The following SIRT3 variants were observed in gnomAD, a reference collection of about 807,000 sequenced individuals.
The protein encoded by SIRT3 is NAD-dependent protein deacetylase sirtuin-3, mitochondrial.
SIRT3 carries 26 observed loss-of-function variants against 33.5 expected under a neutral mutation model. That is an observed-to-expected ratio of 0.78 (90% CI 0.57 to 1.08). SIRT3 has a LOEUF of 1.08. Among genes scored for constraint, SIRT3 ranks in the 50% least tolerant of loss-of-function variants. SIRT3 has a pLI of 0.00. For synonymous variants in SIRT3, 237 were observed against 222.1 expected (o/e 1.07, Z -0.60); for missense variants, 585 against 530.1 (o/e 1.10, Z -1.02).
At position 225,097 on chromosome 11, in the gene SIRT3, C is replaced by CAAAA. The variant is rs11385996; in HGVS notation, c.808-862_808-859dup. 8.8e-5 allele frequency among the ~76,000 whole-genome samples: 13 copies of CAAAA among 147,666 alleles called. No homozygotes were observed. The East Asian group carries it at 2.2e-3, about 25-fold the overall frequency. On this transcript the variant is annotated intron_variant, in intron 4 of 6. Coordinates refer to ENST00000382743, the MANE Select transcript of SIRT3 (RefSeq NM_012239.6). The stretch of plus-strand genomic sequence containing the variant: ...ATAGCAAAAAAAAAAATTAAGGAAG[C>CAAAA]AAAAAAAAAAGATGAACTTGAAATA...
chr11:230,190 C>T (rs559635681), intron 4 of SIRT3, among the ~76,000 whole-genome samples: 2 of 132,540 alleles, frequency 1.5e-5, no homozygotes, highest in South Asian at 2.5e-4. Context: ...CCAGCCTGGG[C>T]GACAGAGTGA....
At chr11:232,914 C>A in intron 3 of SIRT3, 69 bp downstream of exon 3, 1 of 1,488,086 alleles carries the variant, frequency 6.7e-7, no homozygotes, top group Non-Finnish European at 9.3e-7. Context: ...ACCCGAGCCT[C>A]CCTGGGAGAA....
At chr11:233,237 T>TC (rs1280972696) in intron 2 of SIRT3, 22 bp from the exon 3 acceptor site, 1 of 1,608,972 alleles carries the variant, frequency 6.2e-7, no homozygotes, top group South Asian at 1.1e-5. Context: ...GAAGAAAGGC[T>TC]CTGAGGCCTT....
At chr11:226,959 G>A (rs1564810163) in intron 4 of SIRT3, among the ~76,000 whole-genome samples, 2 of 151,094 alleles carry the variant, frequency 1.3e-5, no homozygotes, top group East Asian at 2.0e-4. Flanking sequence ...CTCCATGTTG[G>A]TCAGGCTGGT....
chr11:219,445 G>A (rs1434726570), intron 5 of SIRT3, among the ~76,000 whole-genome samples: 1 of 152,150 alleles, frequency 6.6e-6, no homozygotes, highest in Non-Finnish European at 1.5e-5. Context: ...GGCTAGCCCT[G>A]CTTGCTCTGA....
rs780840198 is a variant in SIRT3 at position 224,178 on chromosome 11, T to TCGGGCTTCACAACGC, written c.854_868dup (p.Gly285_Pro289dup). ...CAGCGGCTCCCCAAAGAACACAATG[T>TCGGGCTTCACAACGC]CGGGCTTCACAACGCCGGTGCAGAC... On this transcript the variant is annotated inframe_insertion, in exon 5 of 7. Coordinates refer to ENST00000382743, the MANE Select transcript of SIRT3 (RefSeq NM_012239.6). 2 of 1,614,124 alleles carry TCGGGCTTCACAACGC rather than the reference T, an allele frequency of 1.2e-6. No homozygotes were observed. Among genetic ancestry groups the TCGGGCTTCACAACGC allele is most frequent in the East Asian group, 2.2e-5 (1 of 44,882 alleles).
intron 1 of SIRT3, 152 bp from the exon 2 acceptor site, chr11:233,686 G>A: frequency 2.9e-6 from 2 of 695,596 alleles, no homozygotes; most frequent in African/African-American, 3.6e-5. Context: ...ACCTTTCTTA[G>A]ACGACTATTG....
At position 223,407 on chromosome 11, in the gene SIRT3, G is replaced by C; in HGVS notation, c.969+671C>G. ...GACTGCGAGTCCAGTCCCCCTCCTC[G>C]CCATCCCTCAGGCGACCACAGCTCC... On this transcript the variant is annotated intron_variant, in intron 5 of 6. Transcript: ENST00000382743. This position sits in a 1 kb window ranked among gnomAD's most constrained non-coding sequence, Gnocchi z 4.8. 4.3e-6 allele frequency: 1 copy of C among 231,512 alleles called. No homozygotes were observed. Among genetic ancestry groups the C allele is most frequent in the Non-Finnish European group, 8.8e-6 (1 of 113,930 alleles). The allele number at this position is 231,512 out of a possible 1,614,324, so 14.3% of individuals were successfully genotyped here.
chr11:219,153 C>T (rs1420501202), intron 5 of SIRT3, 112 bp from the exon 6 acceptor site: 1 of 1,343,140 alleles, frequency 7.4e-7, no homozygotes, highest in Admixed American at 2.4e-5. Flanking sequence ...GCAGTCAGAG[C>T]CTGCGATATA....
intron 4 of SIRT3, among the ~76,000 whole-genome samples, chr11:225,515 A>G (rs1004322263): frequency 1.3e-5 from 2 of 152,228 alleles, no homozygotes; most frequent in Non-Finnish European, 1.5e-5. Context: ...ATAACCAAAT[A>G]GAACTTCTAG....
At position 232,938 on chromosome 11, in the gene SIRT3, C is replaced by T. The variant is rs201661543; in HGVS notation, c.706+45G>A. 7.6e-5 allele frequency: 120 copies of T among 1,582,452 alleles called. 1 individual carries two copies. The South Asian group carries it at 1.2e-3, about 16-fold the overall frequency. On this transcript the variant is annotated intron_variant, in intron 3 of 6. Transcript: ENST00000382743. ...TCCCTGGGAGAAACAGGCACCCGAG[C>T]CTCCGTGGGAGAAAAAGAATGTGTG... is the stretch of plus-strand genomic sequence containing the variant.
intron 3 of SIRT3, among the ~76,000 whole-genome samples, chr11:231,928 A>G (rs1473356354): frequency 6.6e-6 from 1 of 151,360 alleles, no homozygotes; most frequent in Non-Finnish European, 1.5e-5. Context: ...CACGTAAGGA[A>G]AAGGCCCCAC....
At chr11:236,427 C>T, upstream of SIRT3, 1 of 803,872 alleles carries the variant, frequency 1.2e-6, no homozygotes, top group Non-Finnish European at 1.5e-6. Context: ...CCAGCCCCGC[C>T]TCCGCCTACC....
At chr11:218,664 A>T (rs1056105971) in intron 6 of SIRT3, 168 bp downstream of exon 6, 16 of 1,242,560 alleles carry the variant, frequency 1.3e-5, no homozygotes, top group Non-Finnish European at 1.8e-5. Context: ...AAATGGAGGT[A>T]TTGAAAGTAA....
At chr11:216,971 G>GC (rs1457459007) in intron 6 of SIRT3, among the ~76,000 whole-genome samples, 1 of 152,208 alleles carries the variant, frequency 6.6e-6, no homozygotes, top group Non-Finnish European at 1.5e-5. Context: ...ATGCTCATGT[G>GC]CTTAAAAGCA....
At chr11:230,631 T>G (rs1857823061) in intron 3 of SIRT3, 79 bp from the exon 4 acceptor site, 3 of 998,156 alleles carry the variant, frequency 3.0e-6, no homozygotes, top group Non-Finnish European at 4.2e-6. Context: ...CTTCTGGGCT[T>G]GGCAGGACTC....
chr11:234,540 G>A (rs4980324), intron 1 of SIRT3, among the ~76,000 whole-genome samples: 23,739 of 151,876 alleles, frequency 0.16, 2,346 homozygotes, highest in Middle Eastern at 0.22. Context: ...TCAGCCTCCC[G>A]AGTAGCTGGG....
intron 3 of SIRT3, among the ~76,000 whole-genome samples, chr11:231,124 CAAAA>C (rs33939565): frequency 1.4e-5 from 2 of 138,558 alleles, no homozygotes; most frequent in Non-Finnish European, 3.1e-5. Context: ...GATTCTGTCT[CAAAA>C]AAAAAAAAAA....
In SIRT3 at chr11:236,029, T is replaced by A; in HGVS notation, c.281+19A>T. The A allele has an allele frequency of 6.7e-7, 1 of 1,484,438 alleles. No individual in the cohort carries two copies. Among genetic ancestry groups the A allele is most frequent in the Non-Finnish European group, 8.9e-7 (1 of 1,117,742 alleles). The allele number at this position is 1,484,438 out of a possible 1,614,324, so 92.0% of individuals were successfully genotyped here. ...TCGACAACGAACACGCAAGAAGTGC[T>A]TGTCCTTGCCCAAAATACCTCGAAA... On this transcript the variant is annotated intron_variant, in intron 1 of 6. Transcript: ENST00000382743.
Sources: gnomAD v4.1 joint callset for allele counts (sites outside exome capture counted in the v4.1 genomes callset) on GRCh38, gnomAD v4.1.1 for gene constraint, Gnocchi (gnomAD v3.1) non-coding constraint, MANE v1.5 for transcripts, NCBI Gene and HGNC (gene_info 2026-07-23, HGNC 2026-07-21) for gene names.